Variants in CDC25C observed in about 807,000 individuals in gnomAD.
The protein encoded by CDC25C is M-phase inducer phosphatase 3.
Under a neutral mutation model 52.5 loss-of-function variants are expected in CDC25C, and 48 were observed. The observed-to-expected ratio is 0.91, with a 90% CI of 0.72 to 1.16. The LOEUF is 1.16. Among genes scored for constraint, CDC25C ranks in the 50% most tolerant of loss-of-function variants. The pLI is 0.00. For synonymous variants in CDC25C, 187 were observed against 206.5 expected, an observed-to-expected ratio of 0.91 and a Z score of 0.81; for missense variants, 510 against 566.1, an observed-to-expected ratio of 0.90 and a Z score of 1.01.
Position 138,285,451 on chromosome 5 carries a change from C to G in CDC25C, c.*241G>C, listed in dbSNP as rs1229953103. 32 of 492,348 alleles carry G rather than the reference C, an allele frequency of 6.5e-5. No homozygotes were observed. The East Asian group carries it at 1.1e-3, about 17-fold the overall frequency. The allele number at this position is 492,348 out of a possible 1,614,324, so 30.5% of individuals were successfully genotyped here. A position where few individuals can be genotyped will look rare whatever the true frequency, so the allele number is the denominator to read the frequency against. On this transcript the variant is annotated 3_prime_UTR_variant, in exon 14 of 14. Transcript: ENST00000323760. ...AAAGGAATGCCAGAGTTCCCTGAAC[C>G]AATACAAATCTCTATGCAACTCAAG...
chr5:138,287,227 T>C lies in CDC25C; in HGVS notation c.968A>G (p.Glu323Gly), dbSNP rs780009510. ...LLSGKFQGLI[E>G]KFYVIDCRYP... ...GCGACAATCAATGACATAAAACTTC[T>C]CAATCAGACCCTGGAACTTCCCCGA... is the stretch of plus-strand genomic sequence containing the variant. Residue 323 changes from glutamate (E) to glycine (G), a missense_variant, in exon 11 of 14, where the codon GAG becomes GGG. By Grantham distance (98) the Glu-to-Gly change is moderately conservative (BLOSUM62 -2). Coordinates refer to ENST00000323760, the MANE Select transcript of CDC25C (RefSeq NM_001790.5). The C allele has an allele frequency of 4.3e-6, 7 of 1,613,906 alleles. No individual in the cohort carries two copies. The Admixed American group carries it at 1.2e-4, about 27-fold the overall frequency.
chr5:138,318,288 A>AG (rs1245571171), intron 7 of CDC25C, among the ~76,000 whole-genome samples: 2 of 152,190 alleles, frequency 1.3e-5, no homozygotes, highest in Non-Finnish European at 1.5e-5. Flanking sequence ...ACTCCAGCCT[A>AG]GGTGACACAG....
At chr5:138,305,958 T>C (rs911498191) in intron 7 of CDC25C, among the ~76,000 whole-genome samples, 2 of 152,184 alleles carry the variant, frequency 1.3e-5, no homozygotes, top group Non-Finnish European at 2.9e-5. Context: ...GAGAATATAC[T>C]AGGTGGTAGC....
chr5:138,328,456 G>A, intron 4 of CDC25C, 28 bp downstream of exon 4: 1 of 1,609,496 alleles, frequency 6.2e-7, no homozygotes. Flanking sequence ...AGGCTTTTGT[G>A]TGGGGTTCAT....
intron 7 of CDC25C, among the ~76,000 whole-genome samples, chr5:138,308,157 T>C (rs1283358989): frequency 2.0e-5 from 3 of 152,158 alleles, no homozygotes; most frequent in Admixed American, 2.0e-4. Flanking sequence ...TGTTGATCCA[T>C]GGCCCACGGG....
At position 138,329,041 on chromosome 5, in the gene CDC25C, C is replaced by A. The variant is rs570313011; in HGVS notation, c.289+512G>T. On this transcript the variant is annotated intron_variant, in intron 3 of 13. Coordinates refer to ENST00000323760, the MANE Select transcript of CDC25C (RefSeq NM_001790.5). ...TGCCTCAGCCTCCCCAGTAGCTGGG[C>A]CTACAGGCACGTGCCACCATGCCAA... Among the ~76,000 whole-genome samples the A allele has an allele frequency of 1.8e-3, 267 of 152,112 alleles. 2 individuals carry two copies. Among genetic ancestry groups the A allele is most frequent in the African/African-American group, 6.1e-3 (253 of 41,500 alleles).
chr5:138,337,720 G>A, intron 1 of CDC25C: 1 of 336,600 alleles, frequency 3.0e-6, no homozygotes, highest in Non-Finnish European at 5.8e-6. Context: ...AGGGGCTCCT[G>A]GGACTCCGAG....
chr5:138,326,951 T>TG (rs1342338089), intron 4 of CDC25C, among the ~76,000 whole-genome samples: 19 of 21,870 alleles, frequency 8.7e-4, no homozygotes, highest in African/African-American at 3.3e-3. Context: ...AAACTCCGTC[T>TG]CAAAAAAAAA....
At chr5:138,296,324 C>T (rs1757172507) in intron 7 of CDC25C, among the ~76,000 whole-genome samples, 1 of 152,128 alleles carries the variant, frequency 6.6e-6, no homozygotes, top group African/African-American at 2.4e-5. Flanking sequence ...CAACCTCTAC[C>T]TCCTGAGTTC....
intron 7 of CDC25C, among the ~76,000 whole-genome samples, chr5:138,302,387 A>C (rs1561685747): frequency 1.3e-5 from 2 of 151,760 alleles, no homozygotes; most frequent in African/African-American, 4.8e-5. Flanking sequence ...TTATCACAGG[A>C]TTGCAAGGTT....
chr5:138,285,693 C>G lies in CDC25C; in HGVS notation c.1421G>C (p.Ter474SerextTer1). 1 of 1,613,636 alleles carries G rather than the reference C, an allele frequency of 6.2e-7. No individual in the cohort carries two copies. The highest frequency in any genetic ancestry group is 8.5e-7 in the Non-Finnish European group (1 of 1,179,850). The change falls in exon 14 of 14, where the codon TGA (stop) becomes TCA (serine). Residue 474 changes from the stop codon to serine (S), a stop_lost. Transcript: ENST00000323760. ...TAGCAGCCAGTGGCTGGAATGTTAT[C>G]ATGGGCTCATGTCCTTCACCAGAAG... ...IALLVKDMSP[*>S]
intron 2 of CDC25C, 101 bp downstream of exon 2, chr5:138,330,886 C>A (rs1354757036): frequency 2.5e-6 from 2 of 802,354 alleles, no homozygotes; most frequent in African/African-American, 3.4e-5. Flanking sequence ...AGACTTAAAG[C>A]CTGACCTTTG....
chr5:138,331,260 C>G (rs1213730296), intron 1 of CDC25C, 42 bp from the exon 2 acceptor site: 1 of 1,330,000 alleles, frequency 7.5e-7, no homozygotes. Flanking sequence ...TCACAGTTCC[C>G]TCAGCTTTCC....
At chr5:138,337,918 T>C (rs766649027) in intron 1 of CDC25C, 2 of 1,274,652 alleles carry the variant, frequency 1.6e-6, no homozygotes, top group South Asian at 1.2e-5. Context: ...AGTTGGGCCG[T>C]TGGAGGGAGG....
Position 138,324,514 on chromosome 5 carries a change from C to G in CDC25C, c.459+1301G>C, listed in dbSNP as rs187452237. Among the ~76,000 whole-genome samples, 266 of 151,880 alleles carry G rather than the reference C, an allele frequency of 1.8e-3. 2 individuals are homozygous for G. The highest frequency in any genetic ancestry group is 6.1e-3 in the African/African-American group (252 of 41,418). On this transcript the variant is annotated intron_variant, in intron 6 of 13. Transcript: ENST00000323760. The stretch of plus-strand genomic sequence containing the variant: ...GTGGCTCACGGCTGTAATCCCAGCA[C>G]TTTGGGGGGCAGAGGAGGGCAGACT...
chr5:138,326,482 C>T (rs950861505), intron 4 of CDC25C, among the ~76,000 whole-genome samples: 9 of 151,944 alleles, frequency 5.9e-5, no homozygotes, highest in African/African-American at 2.2e-4. Flanking sequence ...GCTGGGACTA[C>T]AGGCGCCTGC....
intron 7 of CDC25C, among the ~76,000 whole-genome samples, chr5:138,301,575 G>T (rs1757627695): frequency 6.7e-6 from 1 of 148,976 alleles, no homozygotes; most frequent in Non-Finnish European, 1.5e-5. Context: ...AAAAAAGAGG[G>T]AATTATTTGC....
At chr5:138,320,790 T>C (rs1046868724) in intron 6 of CDC25C, among the ~76,000 whole-genome samples, 2 of 151,370 alleles carry the variant, frequency 1.3e-5, no homozygotes, top group African/African-American at 4.9e-5. Context: ...GTAGCACACG[T>C]CTGTAATCCC....
In CDC25C at chr5:138,331,194, T is replaced by C. The variant is rs1398204697; in HGVS notation, c.-14A>G. The stretch of plus-strand genomic sequence containing the variant: ...TTCCGTAGACATGGTCTTCGAATTC[T>C]CACCAGGAGAAAAACAAAACCTAGC... On this transcript the variant is annotated 5_prime_UTR_variant, in exon 2 of 14. Transcript: ENST00000323760. 3 of 1,613,616 alleles carry C rather than the reference T, an allele frequency of 1.9e-6. No individual in the cohort carries two copies. The highest frequency in any genetic ancestry group is 1.7e-4 in the Middle Eastern group (1 of 6,060).
Sources: gnomAD v4.1 joint callset for allele counts (sites outside exome capture counted in the v4.1 genomes callset) on GRCh38, gnomAD v4.1.1 for gene constraint, MANE v1.5 for transcripts, NCBI Gene and HGNC (gene_info 2026-07-23, HGNC 2026-07-21) for gene names.